Variants in EEIG1 observed in about 807,000 individuals in gnomAD.
The protein encoded by EEIG1 is estrogen-induced osteoclastogenesis regulator 1.
At chr9:127,945,635 A>T in the EEIG1 span, 64 of 1,573,410 alleles carry the variant, frequency 4.1e-5, no homozygotes, top group Non-Finnish European at 5.2e-5. This position sits in a 1 kb window ranked among gnomAD's most constrained non-coding sequence, Gnocchi z 6.5. Flanking sequence ...GGGCAGGGCC[A>T]GGCAGCCACT....
the EEIG1 span, chr9:127,943,452 C>T: frequency 0.084 from 49,624 of 587,642 alleles, 2,655 homozygotes; most frequent in Non-Finnish European, 0.12. Context: ...AGAGCCCTTC[C>T]GGGCACATCT....
At chr9:127,964,534 T>C in the EEIG1 span, among the ~76,000 whole-genome samples, 1 of 152,036 alleles carries the variant, frequency 6.6e-6, no homozygotes, top group South Asian at 2.1e-4. Context: ...CTCCTCAGAG[T>C]TGGAGCAAAA....
the EEIG1 span, chr9:127,942,661 C>G: frequency 6.1e-6 from 1 of 163,354 alleles, no homozygotes; most frequent in Non-Finnish European, 1.3e-5. Context: ...AAGCACTAAG[C>G]AGTCAGACAG....
the EEIG1 span, among the ~76,000 whole-genome samples, chr9:127,962,854 C>A: frequency 6.6e-6 from 1 of 152,120 alleles, no homozygotes; most frequent in Non-Finnish European, 1.5e-5. Flanking sequence ...CATAACAAGA[C>A]CCCACCTTGA....
the EEIG1 span, among the ~76,000 whole-genome samples, chr9:127,968,152 G>A: frequency 6.6e-6 from 1 of 151,990 alleles, no homozygotes; most frequent in Non-Finnish European, 1.5e-5. Flanking sequence ...TCCAGGGAGG[G>A]GGACCAGCAG....
At chr9:127,973,420 C>T in the EEIG1 span, among the ~76,000 whole-genome samples, 1 of 152,206 alleles carries the variant, frequency 6.6e-6, no homozygotes, top group Non-Finnish European at 1.5e-5. This position sits in a 1 kb window ranked among gnomAD's most constrained non-coding sequence, Gnocchi z 4.2. Flanking sequence ...CTGGCCAGAG[C>T]AGCTCCCAGG....
chr9:127,953,742 G>A, the EEIG1 span: 36 of 1,612,686 alleles, frequency 2.2e-5, no homozygotes, highest in African/African-American at 6.7e-5. Flanking sequence ...CTGGGGGTGC[G>A]GACTCATGAG....
the EEIG1 span, chr9:127,945,273 CTTACGGTCCCTG>C: frequency 9.3e-7 from 1 of 1,074,990 alleles, no homozygotes; most frequent in East Asian, 2.6e-5. This position sits in a 1 kb window ranked among gnomAD's most constrained non-coding sequence, Gnocchi z 6.5. Context: ...AGGTGGGGAC[CTTACGGTCCCTG>C]TGTTATAGGT....
chr9:127,945,345 G>A, the EEIG1 span: 1 of 1,553,634 alleles, frequency 6.4e-7, no homozygotes, highest in African/African-American at 1.4e-5. The surrounding 1 kb of genome is among the most constrained non-coding windows in gnomAD (Gnocchi z 6.5). Flanking sequence ...TTCTCCAGGG[G>A]GCACCAAGCA....
At chr9:127,946,825 C>T in the EEIG1 span, among the ~76,000 whole-genome samples, 1 of 152,232 alleles carries the variant, frequency 6.6e-6, no homozygotes, top group Non-Finnish European at 1.5e-5. Context: ...GGCAGAATCA[C>T]TCGGCAAGCA....
At chr9:127,976,724 C>T in the EEIG1 span, among the ~76,000 whole-genome samples, 1 of 152,208 alleles carries the variant, frequency 6.6e-6, no homozygotes, top group Non-Finnish European at 1.5e-5. The surrounding 1 kb of genome is among the most constrained non-coding windows in gnomAD (Gnocchi z 4.1). Context: ...GTTGCCAAGG[C>T]ACCCAGCACA....
the EEIG1 span, among the ~76,000 whole-genome samples, chr9:127,965,815 G>C: frequency 6.6e-6 from 1 of 152,246 alleles, no homozygotes; most frequent in Admixed American, 6.5e-5. Context: ...CAGCCAAGGC[G>C]TCCGTCCAGG....
chr9:127,945,223 G>A, the EEIG1 span: 1 of 732,258 alleles, frequency 1.4e-6, no homozygotes, highest in South Asian at 1.9e-5. This position sits in a 1 kb window ranked among gnomAD's most constrained non-coding sequence, Gnocchi z 6.5. Flanking sequence ...GCACCCTTCA[G>A]GGCCATCAGC....
the EEIG1 span, chr9:127,980,361 G>C: frequency 2.0e-6 from 1 of 497,350 alleles, no homozygotes; most frequent in Non-Finnish European, 3.6e-6. Context: ...GGCTCGGAGG[G>C]GTTCGGAGCG....
the EEIG1 span, among the ~76,000 whole-genome samples, chr9:127,977,384 G>A: frequency 5.3e-5 from 8 of 152,366 alleles, no homozygotes; most frequent in South Asian, 1.4e-3. Context: ...GGGGAAGCAG[G>A]TTTGGGCAAT....
At chr9:127,949,121 C>T in the EEIG1 span, among the ~76,000 whole-genome samples, 1 of 152,132 alleles carries the variant, frequency 6.6e-6, no homozygotes, top group East Asian at 1.9e-4. Context: ...CGAGACCATC[C>T]TGGCTAACAC....
the EEIG1 span, among the ~76,000 whole-genome samples, chr9:127,975,822 G>T: frequency 6.6e-6 from 1 of 152,038 alleles, no homozygotes; most frequent in African/African-American, 2.4e-5. Flanking sequence ...CTGCCCAAGG[G>T]CTGCCTTGGA....
At chr9:127,959,591 G>A in the EEIG1 span, among the ~76,000 whole-genome samples, 1 of 152,146 alleles carries the variant, frequency 6.6e-6, no homozygotes, top group African/African-American at 2.4e-5. Context: ...TCATGGGGGT[G>A]GTTTCCCCGA....
chr9:127,959,501 GCT>G, the EEIG1 span, among the ~76,000 whole-genome samples: 2 of 152,324 alleles, frequency 1.3e-5, no homozygotes, highest in African/African-American at 4.8e-5. Flanking sequence ...ATATGGTCTG[GCT>G]CTGTGTCCTC....
Sources: allele counts gnomAD v4.1 joint callset (sites outside exome capture counted in the v4.1 genomes callset), GRCh38; gene constraint gnomAD v4.1.1; non-coding constraint Gnocchi (gnomAD v3.1); transcripts MANE v1.5; gene names NCBI Gene and HGNC (gene_info 2026-07-23, HGNC 2026-07-21).